Variants in KALRN observed in about 807,000 individuals in gnomAD.
The protein encoded by KALRN is kalirin RhoGEF kinase.
KALRN carries 70 observed loss-of-function variants against 353.7 expected under a neutral mutation model. The observed-to-expected ratio is 0.20, with a 90% CI of 0.16 to 0.24. The LOEUF (loss-of-function observed/expected upper bound fraction) is 0.24, where lower values mean the gene tolerates loss of function less well. Ranked by LOEUF, KALRN falls within the 10% of genes least tolerant of loss-of-function variation. KALRN has a pLI of 1.00. For synonymous variants in KALRN, 1,391 were observed against 1,434.8 expected, an observed-to-expected ratio of 0.97 and a Z score of 0.69; for missense variants, 2,791 against 3,756.7, an observed-to-expected ratio of 0.74 and a Z score of 6.72.
chr3:124,678,247 G>A lies in KALRN; in HGVS notation c.7251G>A (p.Thr2417=), dbSNP rs149588610. 1.6e-4 allele frequency: 258 copies of A among 1,613,920 alleles called. No homozygotes were observed. Among genetic ancestry groups the A allele is most frequent in the Non-Finnish European group, 2.0e-4 (239 of 1,179,930 alleles). The part of the protein sequence containing the change: ...RMRKRAEVEN[T]GKNEATGPRK... Reference sequence around the variant, plus strand: ...GAAAGCGGGCGGAAGTGGAGAACACGGGTAAAAATGAAGCCACAGGGCCTC... The same window carrying A: ...GAAAGCGGGCGGAAGTGGAGAACACAGGTAAAAATGAAGCCACAGGGCCTC... The change falls in exon 50 of 60, where the codon ACG becomes ACA. Residue 2417 remains threonine (T), a synonymous_variant. Transcript: ENST00000682506.
chr3:124,519,467 T>A, intron 33 of KALRN: 1 of 985,424 alleles, frequency 1.0e-6, no homozygotes, highest in Non-Finnish European at 1.2e-6. Context: ...TTTTCTAACT[T>A]TTTTTAAAGG....
At chr3:124,338,025 C>A (rs1430309312) in intron 9 of KALRN, among the ~76,000 whole-genome samples, 3 of 152,114 alleles carry the variant, frequency 2.0e-5, no homozygotes, top group Admixed American at 6.5e-5. Flanking sequence ...ATTCTTCTCT[C>A]TTTTTTTCTT....
intron 1 of KALRN, among the ~76,000 whole-genome samples, chr3:124,112,839 G>T (rs983084147): frequency 6.6e-6 from 1 of 152,104 alleles, no homozygotes; most frequent in Non-Finnish European, 1.5e-5. Context: ...TGGGTTTTGG[G>T]GGAGGGTGGG....
intron 33 of KALRN, among the ~76,000 whole-genome samples, chr3:124,524,453 A>T (rs1409332269): frequency 6.6e-6 from 1 of 152,230 alleles, no homozygotes; most frequent in Admixed American, 6.5e-5. Flanking sequence ...TATGTGGGTC[A>T]TAAAGCTTGG....
intron 12 of KALRN, 21 bp from the exon 13 acceptor site, chr3:124,398,676 T>C (rs1389131496): frequency 3.7e-6 from 6 of 1,613,836 alleles, no homozygotes; most frequent in Non-Finnish European, 5.1e-6. Flanking sequence ...CCCTCCCTTT[T>C]TTCTCCCCAC....
chr3:124,268,568 A>G lies in KALRN; in HGVS notation c.457-175A>G, dbSNP rs547498220. ...AGTCAGCAGTCTGTAGAAACTGCTGATCCTGACTGATCTGTGACTCCTGAC... is the reference window on the plus strand; with the variant it reads ...AGTCAGCAGTCTGTAGAAACTGCTGGTCCTGACTGATCTGTGACTCCTGAC... On this transcript the variant is annotated intron_variant, in intron 4 of 59. Transcript: ENST00000682506. 126 of 644,292 alleles carry G rather than the reference A, an allele frequency of 2.0e-4. 1 individual carries two copies. The highest frequency in any genetic ancestry group is 1.4e-3 in the South Asian group (74 of 51,808). 39.9% of individuals were successfully genotyped at this position (644,292 alleles called of 1,614,324 possible).
At position 124,398,867 on chromosome 3, in the gene KALRN, T is replaced by C; in HGVS notation, c.2342T>C (p.Ile781Thr). ...LQLRIFEQYT[I>T]EVTAELDAWN... The stretch of plus-strand genomic sequence containing the variant: ...CTGCGCATCTTTGAGCAGTACACCA[T>C]CGAGGTAGCAGGGGGCCAGGAGGGG... Residue 781 changes from isoleucine (I) to threonine (T), a missense_variant, in exon 13 of 60, where the codon ATC becomes ACC. This residue lies in a region of KALRN where 452 missense variants were observed against 575.8 expected (regional missense o/e 0.78). Transcript: ENST00000682506. The C allele has an allele frequency of 1.1e-5, 18 of 1,604,442 alleles. No individual in the cohort carries two copies. Among genetic ancestry groups the C allele is most frequent in the Non-Finnish European group, 1.4e-5 (17 of 1,174,634 alleles).
intron 51 of KALRN, among the ~76,000 whole-genome samples, chr3:124,686,448 C>T (rs1445734374): frequency 1.3e-5 from 2 of 152,168 alleles, no homozygotes; most frequent in African/African-American, 4.8e-5. Flanking sequence ...GTCATTGATT[C>T]ACTGGGCAGC....
chr3:124,074,686 A>C (rs1002332705), intron 1 of KALRN, among the ~76,000 whole-genome samples: 4 of 152,190 alleles, frequency 2.6e-5, no homozygotes, highest in Non-Finnish European at 5.9e-5. Context: ...CTGCCTGGAA[A>C]AGTGTAGCTC....
chr3:124,474,572 T>C (rs2061264775), intron 25 of KALRN, 91 bp from the exon 26 acceptor site: 2 of 955,552 alleles, frequency 2.1e-6, no homozygotes, highest in Admixed American at 1.8e-5. Flanking sequence ...TATAAATAAT[T>C]GAGAAGTTAT....
intron 10 of KALRN, among the ~76,000 whole-genome samples, chr3:124,365,676 A>G (rs532970205): frequency 1.3e-5 from 2 of 152,298 alleles, no homozygotes; most frequent in African/African-American, 2.4e-5. Context: ...TTGTGTTGCT[A>G]ATTCTCATTT....
chr3:124,249,574 C>T (rs1244550165), intron 3 of KALRN, among the ~76,000 whole-genome samples: 5 of 152,132 alleles, frequency 3.3e-5, no homozygotes, highest in Admixed American at 3.3e-4. Flanking sequence ...TGCAATCATA[C>T]ATACACTGCC....
intron 34 of KALRN, among the ~76,000 whole-genome samples, chr3:124,602,141 G>A (rs1379585905): frequency 6.6e-6 from 1 of 151,972 alleles, no homozygotes; most frequent in African/African-American, 2.4e-5. Flanking sequence ...ATGACATTTT[G>A]GCTAAATATA....
chr3:124,231,940 GA>G (rs2079204817), intron 2 of KALRN, among the ~76,000 whole-genome samples: 1 of 152,084 alleles, frequency 6.6e-6, no homozygotes, highest in South Asian at 2.1e-4. Context: ...TCCTTGGTAC[GA>G]AAGTCCTCCA....
At chr3:124,346,934 T>G (rs897834943) in intron 9 of KALRN, among the ~76,000 whole-genome samples, 2 of 152,008 alleles carry the variant, frequency 1.3e-5, no homozygotes, top group African/African-American at 4.8e-5. Flanking sequence ...AAGGATAAGT[T>G]GAATTTAGGT....
intron 1 of KALRN, among the ~76,000 whole-genome samples, chr3:124,120,745 T>TATATATATATATATA (rs2063922942): frequency 7.0e-6 from 1 of 143,444 alleles, no homozygotes; most frequent in African/African-American, 2.6e-5. Context: ...TATATATATA[T>TATATATATATATATA]TTTCACATAA....
At chr3:124,603,756 T>A (rs927477298) in intron 34 of KALRN, among the ~76,000 whole-genome samples, 1 of 152,190 alleles carries the variant, frequency 6.6e-6, no homozygotes, top group Non-Finnish European at 1.5e-5. Flanking sequence ...GTCTATTGGG[T>A]TCCTTTGCCT....
At chr3:124,070,206 G>T (rs115018941) in intron 1 of KALRN, among the ~76,000 whole-genome samples, 5,742 of 152,228 alleles carry the variant, frequency 0.038, 337 homozygotes, top group African/African-American at 0.13. Flanking sequence ...GTTAAAGATA[G>T]CATGTGTGGA....
At chr3:124,336,094 G>A in intron 9 of KALRN, among the ~76,000 whole-genome samples, 1 of 152,084 alleles carries the variant, frequency 6.6e-6, no homozygotes, top group South Asian at 2.1e-4. Context: ...TCAGTCCCAG[G>A]AACAGATGGG....
Sources: gnomAD v4.1 joint callset for allele counts (sites outside exome capture counted in the v4.1 genomes callset) on GRCh38, gnomAD v4.1.1 for gene constraint, gnomAD v4.1.1 regional missense constraint, MANE v1.5 for transcripts, NCBI Gene and HGNC (gene_info 2026-07-23, HGNC 2026-07-21) for gene names.